The following ZNF516 variants were observed in gnomAD, a reference collection of about 807,000 sequenced individuals.
The protein encoded by ZNF516 is zinc finger protein 516.
In ZNF516, 19 loss-of-function variants were observed where a neutral mutation model predicts 79.7. The observed-to-expected ratio is 0.24, with a 90% CI of 0.17 to 0.35. ZNF516 has a LOEUF of 0.35. Among genes scored for constraint, ZNF516 ranks in the 10% least tolerant of loss-of-function variants. ZNF516 has a pLI of 1.00. For synonymous variants in ZNF516, 877 were observed against 739.5 expected (o/e 1.19, Z -3.02); for missense variants, 1,678 against 1,679.5 (o/e 1.00, Z 0.02).
intron 3 of ZNF516, among the ~76,000 whole-genome samples, chr18:76,437,104 C>A (rs984384092): frequency 5.7e-4 from 16 of 28,160 alleles, no homozygotes; most frequent in South Asian, 1.5e-3. Context: ...ACACACATAC[C>A]GTCTCTCACC....
At chr18:76,460,213 C>T (rs1207469286) in intron 2 of ZNF516, among the ~76,000 whole-genome samples, 1 of 152,202 alleles carries the variant, frequency 6.6e-6, no homozygotes, top group Non-Finnish European at 1.5e-5. Context: ...CAGGAGGCAC[C>T]TCTGCCTGCA....
At chr18:76,424,242 G>A (rs1373345121) in intron 3 of ZNF516, among the ~76,000 whole-genome samples, 2 of 10,276 alleles carry the variant, frequency 1.9e-4, no homozygotes, top group Non-Finnish European at 3.8e-4. Context: ...CGAAACACAC[G>A]CACGTGAAAA....
At chr18:76,404,971 G>A (rs1011699980) in intron 3 of ZNF516, among the ~76,000 whole-genome samples, 10 of 152,054 alleles carry the variant, frequency 6.6e-5, no homozygotes, top group African/African-American at 2.2e-4. Context: ...TACCCTCCTT[G>A]GTCCCCTCCC....
At position 76,442,702 on chromosome 18, in the gene ZNF516, G is replaced by GTGGGGC. The variant is rs1236415199; in HGVS notation, c.347_352dup (p.Ser116_Pro117dup). The GTGGGGC allele has an allele frequency of 3.8e-6, 6 of 1,583,164 alleles. No homozygotes were observed. The highest frequency in any genetic ancestry group is 5.1e-6 in the Non-Finnish European group (6 of 1,166,114). On this transcript the variant is annotated inframe_insertion, in exon 3 of 7. Transcript: ENST00000443185. ...CCGGTTGCAGGCCGAGGCGCTCTTG[G>GTGGGGC]TGGGGCTGGCGCAGGCGTCCAGGCC...
chr18:76,417,543 AT>A (rs1383113584), intron 3 of ZNF516, among the ~76,000 whole-genome samples: 1 of 152,260 alleles, frequency 6.6e-6, no homozygotes, highest in Non-Finnish European at 1.5e-5. Context: ...ACCTTAATGT[AT>A]CATATTAAGT....
chr18:76,487,574 A>T (rs2145816953), intron 1 of ZNF516, among the ~76,000 whole-genome samples: 1 of 152,338 alleles, frequency 6.6e-6, no homozygotes, highest in South Asian at 2.1e-4. Context: ...CCATAAGGTT[A>T]ATTTTATTAA....
chr18:76,481,655 G>A (rs750982537), intron 1 of ZNF516, among the ~76,000 whole-genome samples: 3 of 152,178 alleles, frequency 2.0e-5, no homozygotes, highest in African/African-American at 7.2e-5. Context: ...CCTAAGACCT[G>A]TGCATATTAA....
chr18:76,401,115 A>G (rs75387742), intron 3 of ZNF516, among the ~76,000 whole-genome samples: 3,390 of 152,280 alleles, frequency 0.022, 105 homozygotes, highest in African/African-American at 0.077. Context: ...TTGGAACGCT[A>G]AGCTCATGGG....
At chr18:76,446,473 G>A (rs1382382029) in intron 2 of ZNF516, among the ~76,000 whole-genome samples, 2 of 152,224 alleles carry the variant, frequency 1.3e-5, no homozygotes. Context: ...AGCGGAAGAT[G>A]GCACAGTATC....
intron 3 of ZNF516, among the ~76,000 whole-genome samples, chr18:76,403,265 C>T (rs2075255931): frequency 6.6e-6 from 1 of 152,232 alleles, no homozygotes; most frequent in South Asian, 2.1e-4. Context: ...GGGCTGCCTG[C>T]ACCTGTCTGC....
At position 76,450,919 on chromosome 18, in the gene ZNF516, G is replaced by A. The variant is rs117277618; in HGVS notation, c.-157-7708C>T. 2.2e-4 allele frequency among the ~76,000 whole-genome samples: 33 copies of A among 152,218 alleles called. 1 individual carries two copies. In the East Asian group the frequency reaches 6.2e-3, roughly 28 times the overall value. On this transcript the variant is annotated intron_variant, in intron 2 of 6. Coordinates refer to ENST00000443185, the MANE Select transcript of ZNF516 (RefSeq NM_014643.4). ...GTGTACTGATTTCCCTACAACTACCGAAGTTGACCTTATTAAAACCTTATC... is the reference window on the plus strand; with the variant it reads ...GTGTACTGATTTCCCTACAACTACCAAAGTTGACCTTATTAAAACCTTATC...
intron 3 of ZNF516, among the ~76,000 whole-genome samples, chr18:76,404,252 TCACATG>T (rs1184685723): frequency 1.3e-5 from 2 of 152,264 alleles, no homozygotes; most frequent in African/African-American, 2.4e-5. Flanking sequence ...CCCAAGGACC[TCACATG>T]CAGCTCCACA....
intron 1 of ZNF516, among the ~76,000 whole-genome samples, chr18:76,480,529 A>ATATATTT (rs374464151): frequency 1.1e-3 from 150 of 142,086 alleles, no homozygotes; most frequent in African/African-American, 2.9e-3. Flanking sequence ...ACACACATAT[A>ATATATTT]TTTTTTTTTT....
chr18:76,446,936 G>A (rs1335663714), intron 2 of ZNF516, among the ~76,000 whole-genome samples: 3 of 152,142 alleles, frequency 2.0e-5, no homozygotes, highest in South Asian at 2.1e-4. Context: ...AGCCCAAACC[G>A]CCATTATCTG....
chr18:76,447,105 C>CA lies in ZNF516; in HGVS notation c.-157-3895dup, dbSNP rs142295219. ...CTAAGGGGTTACTCAGTGGCCAAAT[C>CA]AAAAGATCTCTGTAATCATTCTTTT... On this transcript the variant is annotated intron_variant, in intron 2 of 6. Coordinates refer to ENST00000443185, the MANE Select transcript of ZNF516 (RefSeq NM_014643.4). Among the ~76,000 whole-genome samples the CA allele has an allele frequency of 1.7e-3, 252 of 152,338 alleles. 2 individuals carry two copies. The East Asian group carries it at 0.027, about 16-fold the overall frequency.
chr18:76,418,022 A>G (rs2075454604), intron 3 of ZNF516, among the ~76,000 whole-genome samples: 1 of 152,204 alleles, frequency 6.6e-6, no homozygotes, highest in Admixed American at 6.5e-5. Flanking sequence ...TGAGGATTCT[A>G]CGTTTCTCCT....
chr18:76,481,425 C>T (rs1341889124), intron 1 of ZNF516, among the ~76,000 whole-genome samples: 1 of 152,194 alleles, frequency 6.6e-6, no homozygotes, highest in African/African-American at 2.4e-5. Context: ...ACTGGTCTCC[C>T]ATAGTGTCAT....
chr18:76,458,764 G>A (rs1457567068), intron 2 of ZNF516, among the ~76,000 whole-genome samples: 1 of 139,820 alleles, frequency 7.2e-6, no homozygotes, highest in East Asian at 2.0e-4. Context: ...TCGTGCGTGT[G>A]TGTGCCTCGT....
rs367579223 is a variant in ZNF516 at position 76,371,391 on chromosome 18, GGAT to G, written c.3364+73_3364+75del. ...GAAATCTCAGTATCTCCCTCGCTGCGGATGGTCAAGCCACTGACAGAAGAGACC... is the reference window on the plus strand; with the variant it reads ...GAAATCTCAGTATCTCCCTCGCTGCGGGTCAAGCCACTGACAGAAGAGACC... On this transcript the variant is annotated intron_variant, in intron 5 of 6. Transcript: ENST00000443185. The G allele has an allele frequency of 1.3e-3, 1,876 of 1,395,110 alleles. 9 individuals carry two copies. The African/African-American group carries it at 0.023, about 17-fold the overall frequency. The allele number at this position is 1,395,110 out of a possible 1,614,324, so 86.4% of individuals were successfully genotyped here.
Sources: allele counts gnomAD v4.1 joint callset (sites outside exome capture counted in the v4.1 genomes callset), GRCh38; gene constraint gnomAD v4.1.1; transcripts MANE v1.5; gene names NCBI Gene and HGNC (gene_info 2026-07-23, HGNC 2026-07-21).